TRMT9B: variants seen among roughly 807,000 people sequenced by gnomAD.
TRMT9B encodes probable tRNA methyltransferase 9B.
Under a neutral mutation model 11.5 loss-of-function variants are expected in TRMT9B, and 16 were observed. The ratio of observed to expected loss-of-function variants is 1.39; its 90% confidence interval spans 0.94 to 2.11. TRMT9B has a LOEUF of 2.11. TRMT9B is among the 30% of genes most tolerant of loss of function. The pLI, the probability that TRMT9B is intolerant of heterozygous loss-of-function variation, is 0.00. For missense variants in TRMT9B, 941 were observed against 553.8 expected (o/e 1.70, Z -7.02); for synonymous variants, 274 against 192.4 (o/e 1.42, Z -3.51).
chr8:12,984,403 C>A (rs1338350682), intron 1 of TRMT9B, among the ~76,000 whole-genome samples: 1 of 152,172 alleles, frequency 6.6e-6, no homozygotes, highest in Admixed American at 6.5e-5. Flanking sequence ...CTTAATTCAG[C>A]CTTAGAAAAA....
chr8:12,948,372 T>A (rs563678260), intron 1 of TRMT9B, among the ~76,000 whole-genome samples: 2 of 150,012 alleles, frequency 1.3e-5, no homozygotes, highest in Middle Eastern at 3.5e-3. Context: ...GTTGAAAAAT[T>A]GTAAATGAAC....
rs1278753698 is a variant in TRMT9B at position 13,026,804 on chromosome 8, G to A, written c.*4760G>A. On this transcript the variant is annotated 3_prime_UTR_variant, in exon 5 of 5. Coordinates refer to ENST00000524591, the MANE Select transcript of TRMT9B (RefSeq NM_020844.3). The stretch of plus-strand genomic sequence containing the variant: ...CACAACACCATATACTCCCACCCCT[G>A]GGCCCAGCTCATGTGCTTGGCGGAG... 3 of 167,058 alleles carry A rather than the reference G, an allele frequency of 1.8e-5. No individual in the cohort carries two copies. In the East Asian group the frequency reaches 5.8e-4, roughly 32 times the overall value. The allele number at this position is 167,058 out of a possible 1,614,324, so 10.3% of individuals were successfully genotyped here.
intron 1 of TRMT9B, among the ~76,000 whole-genome samples, chr8:12,964,950 A>G (rs117919156): frequency 1.1e-3 from 175 of 152,326 alleles, no homozygotes; most frequent in East Asian, 6.6e-3. Flanking sequence ...ACACAGTCAT[A>G]AAATGGAATA....
intron 1 of TRMT9B, among the ~76,000 whole-genome samples, chr8:12,976,372 T>G (rs1804452235): frequency 6.6e-6 from 1 of 151,590 alleles, no homozygotes; most frequent in African/African-American, 2.4e-5. Flanking sequence ...GCTTTACTTT[T>G]TTTTTTTTCA....
chr8:12,999,604 T>TA (rs1032209501), intron 2 of TRMT9B, among the ~76,000 whole-genome samples: 1 of 152,228 alleles, frequency 6.6e-6, no homozygotes, highest in Non-Finnish European at 1.5e-5. Context: ...TCACTAAACG[T>TA]ATTTAGACCT....
intron 1 of TRMT9B, chr8:12,952,221 T>C (rs1228831327): frequency 4.5e-6 from 2 of 449,352 alleles, no homozygotes; most frequent in Non-Finnish European, 4.5e-6. Flanking sequence ...GCACTGACAA[T>C]GGTCTGCATA....
At chr8:12,968,811 G>A (rs1387535765) in intron 1 of TRMT9B, among the ~76,000 whole-genome samples, 1 of 152,076 alleles carries the variant, frequency 6.6e-6, no homozygotes, top group Non-Finnish European at 1.5e-5. Flanking sequence ...GAGCCATGCT[G>A]TTCATTATCT....
At chr8:12,962,561 G>C (rs191429917) in intron 1 of TRMT9B, among the ~76,000 whole-genome samples, 260 of 152,134 alleles carry the variant, frequency 1.7e-3, no homozygotes, top group African/African-American at 6.1e-3. Flanking sequence ...TGTGATCTTG[G>C]CTCACTGCAA....
At chr8:12,956,182 AG>A (rs2128859171) in intron 1 of TRMT9B, among the ~76,000 whole-genome samples, 1 of 152,326 alleles carries the variant, frequency 6.6e-6, no homozygotes, top group South Asian at 2.1e-4. Context: ...TCAAAGGTAG[AG>A]GGATGCACAC....
intron 4 of TRMT9B, 34 bp from the exon 5 acceptor site, chr8:13,020,974 C>G (rs1228462898): frequency 5.0e-6 from 7 of 1,387,780 alleles, no homozygotes; most frequent in Non-Finnish European, 4.9e-6. Flanking sequence ...TATGTGTGTG[C>G]ATACACACTG....
At position 12,969,010 on chromosome 8, in the gene TRMT9B, G is replaced by A. The variant is rs139552567; in HGVS notation, c.-199-21824G>A. Among the ~76,000 whole-genome samples the A allele has an allele frequency of 5.4e-3, 817 of 152,286 alleles. 4 individuals are homozygous for A. Among genetic ancestry groups the A allele is most frequent in the African/African-American group, 0.019 (772 of 41,560 alleles). ...GTGGATCACCTGAGGTCGGGAGTTC[G>A]AGGCTAGCCTGATCAACATGGTGAA... On this transcript the variant is annotated intron_variant, in intron 1 of 4. Coordinates refer to ENST00000524591, the MANE Select transcript of TRMT9B (RefSeq NM_020844.3).
In TRMT9B at chr8:13,000,635, C is replaced by G. The variant is rs547745217; in HGVS notation, c.-1-5567C>G. Among the ~76,000 whole-genome samples the G allele has an allele frequency of 6.6e-5, 10 of 152,234 alleles. No homozygotes were observed. In the East Asian group the frequency reaches 1.9e-3, roughly 29 times the overall value. On this transcript the variant is annotated intron_variant, in intron 2 of 4. Transcript: ENST00000524591. The stretch of plus-strand genomic sequence containing the variant: ...TCACATTTACGATTTCTTTTGATTG[C>G]TAGCATTCAATTTTGGGGGTTTGTT...
At chr8:12,999,088 C>G (rs977320514) in intron 2 of TRMT9B, among the ~76,000 whole-genome samples, 1 of 151,956 alleles carries the variant, frequency 6.6e-6, no homozygotes, top group African/African-American at 2.4e-5. Flanking sequence ...ATCATGAGGT[C>G]AGATGTTCAA....
chr8:13,006,621 C>T (rs760656362), intron 3 of TRMT9B: 112 of 1,374,788 alleles, frequency 8.1e-5, no homozygotes, highest in East Asian at 1.5e-4. Context: ...AGCAGAAACT[C>T]GAGACAGTCA....
At chr8:13,010,867 C>T in intron 3 of TRMT9B, 1 of 976,978 alleles carries the variant, frequency 1.0e-6, no homozygotes, top group Non-Finnish European at 1.2e-6. Context: ...TGCCTTCAAA[C>T]AGAGGGTACT....
chr8:12,956,917 G>A (rs921706950), intron 1 of TRMT9B, among the ~76,000 whole-genome samples: 2 of 152,070 alleles, frequency 1.3e-5, no homozygotes, highest in African/African-American at 4.8e-5. Context: ...CAGTTTATTT[G>A]CACTCACAAA....
chr8:12,963,204 T>A (rs931180255), intron 1 of TRMT9B, among the ~76,000 whole-genome samples: 3 of 152,102 alleles, frequency 2.0e-5, no homozygotes, highest in Non-Finnish European at 1.5e-5. Flanking sequence ...GAGGCCAAGG[T>A]GGGCGATTCA....
chr8:12,964,034 T>G (rs1165316737), intron 1 of TRMT9B, among the ~76,000 whole-genome samples: 1 of 152,168 alleles, frequency 6.6e-6, no homozygotes, highest in Admixed American at 6.5e-5. Flanking sequence ...ACTCTGATCT[T>G]CTCGTACATG....
chr8:13,016,772 G>C (rs1238173077), intron 4 of TRMT9B, among the ~76,000 whole-genome samples: 1 of 150,730 alleles, frequency 6.6e-6, no homozygotes, highest in Non-Finnish European at 1.5e-5. Flanking sequence ...TTTCCCCAGA[G>C]GACATGAGCA....
Sources: gnomAD v4.1 joint callset for allele counts (sites outside exome capture counted in the v4.1 genomes callset) on GRCh38, gnomAD v4.1.1 for gene constraint, MANE v1.5 for transcripts, NCBI Gene and HGNC (gene_info 2026-07-23, HGNC 2026-07-21) for gene names.